DPP8: variants seen among roughly 807,000 people sequenced by gnomAD.
DPP8 encodes dipeptidyl peptidase 8.
In DPP8, 31 loss-of-function variants were observed where a neutral mutation model predicts 107.5. The observed-to-expected ratio is 0.29, with a 90% CI of 0.22 to 0.39. DPP8 has a LOEUF of 0.39. Ranked by LOEUF, DPP8 falls within the 10% of genes least tolerant of loss-of-function variation. The probability of loss-of-function intolerance (pLI) is 1.00; values close to 1 mark genes in which losing one functional copy is unlikely to be tolerated. For synonymous variants in DPP8, 381 were observed against 356.6 expected (o/e 1.07, Z -0.77); for missense variants, 842 against 1,076.1 (o/e 0.78, Z 3.04).
chr15:65,511,893 C>A, intron 2 of DPP8: 2 of 275,960 alleles, frequency 7.2e-6, no homozygotes, highest in Non-Finnish European at 1.5e-5. Context: ...GACATTAAAT[C>A]TGGAGTGAAT....
intron 5 of DPP8, among the ~76,000 whole-genome samples, chr15:65,493,012 A>G (rs578129040): frequency 6.8e-4 from 103 of 152,320 alleles, no homozygotes; most frequent in African/African-American, 2.4e-3. Context: ...GTTTGAATCC[A>G]AAAAGAAATA....
At chr15:65,454,530 T>C in intron 16 of DPP8, 115 bp from the exon 17 acceptor site, 1 of 938,904 alleles carries the variant, frequency 1.1e-6, no homozygotes, top group South Asian at 1.8e-5. Flanking sequence ...TTAATTTTTA[T>C]TTTATTTATT....
rs199550589 is a variant in DPP8, at chr15:65,487,685, A to G, written c.955+5T>C. The G allele has an allele frequency of 1.4e-3, 2,300 of 1,605,740 alleles. No individual in the cohort carries two copies. Among genetic ancestry groups the G allele is most frequent in the Non-Finnish European group, 1.7e-3 (2,030 of 1,177,040 alleles). ...GTGAATATAAATGCCAATGGAGTACAGTACCTGTTTTAGGATAACGGAATG... is the reference window on the plus strand; with the variant it reads ...GTGAATATAAATGCCAATGGAGTACGGTACCTGTTTTAGGATAACGGAATG... On this transcript the variant is annotated splice_donor_5th_base_variant and intron_variant, in intron 7 of 19. Transcript: ENST00000300141.
At chr15:65,499,385 C>T (rs1474708886) in intron 4 of DPP8, among the ~76,000 whole-genome samples, 1 of 151,688 alleles carries the variant, frequency 6.6e-6, no homozygotes, top group East Asian at 1.9e-4. Flanking sequence ...GGTGCGCCTG[C>T]CTAATTTTTG....
At chr15:65,510,670 C>T (rs776970905) in intron 2 of DPP8, among the ~76,000 whole-genome samples, 1 of 152,160 alleles carries the variant, frequency 6.6e-6, no homozygotes, top group African/African-American at 2.4e-5. Flanking sequence ...TCCCAAGTAG[C>T]TGGGATTACA....
intron 12 of DPP8, among the ~76,000 whole-genome samples, chr15:65,467,455 C>G (rs2065462985): frequency 6.6e-6 from 1 of 152,168 alleles, no homozygotes. Context: ...GATCATGGCT[C>G]ACTGCAGCTT....
At chr15:65,494,975 T>C (rs1186975703) in intron 5 of DPP8, among the ~76,000 whole-genome samples, 1 of 152,164 alleles carries the variant, frequency 6.6e-6, no homozygotes, top group African/African-American at 2.4e-5. Flanking sequence ...AATATGATTA[T>C]GATGATCACA....
intron 7 of DPP8, among the ~76,000 whole-genome samples, chr15:65,486,821 G>A (rs2067485919): frequency 6.6e-6 from 1 of 152,012 alleles, no homozygotes; most frequent in Admixed American, 6.6e-5. Context: ...TGGACTTTGG[G>A]GACTCCAGAG....
chr15:65,487,999 C>A (rs2067605270), intron 6 of DPP8, among the ~76,000 whole-genome samples, 181 bp from the exon 7 acceptor site: 2 of 152,078 alleles, frequency 1.3e-5, no homozygotes, highest in Admixed American at 1.3e-4. Flanking sequence ...TATTGTTAAG[C>A]CACTTCTTTT....
intron 6 of DPP8, among the ~76,000 whole-genome samples, chr15:65,489,727 A>G (rs1350635490): frequency 2.1e-5 from 3 of 145,706 alleles, no homozygotes; most frequent in African/African-American, 2.6e-5. Flanking sequence ...CATAATGTAC[A>G]TATTTTTGAG....
At chr15:65,458,086 A>G (rs2064589923) in intron 15 of DPP8, among the ~76,000 whole-genome samples, 1 of 152,230 alleles carries the variant, frequency 6.6e-6, no homozygotes, top group Non-Finnish European at 1.5e-5. Flanking sequence ...GATGGTCTCA[A>G]TTGCTTGATA....
intron 1 of DPP8, among the ~76,000 whole-genome samples, chr15:65,514,409 G>C (rs1010123489): frequency 2.0e-5 from 3 of 152,160 alleles, no homozygotes; most frequent in African/African-American, 7.2e-5. Flanking sequence ...GACTGTGGTG[G>C]TTATATACTA....
At chr15:65,505,828 T>C (rs961127473) in intron 3 of DPP8, among the ~76,000 whole-genome samples, 5 of 151,654 alleles carry the variant, frequency 3.3e-5, no homozygotes, top group Non-Finnish European at 7.4e-5. Flanking sequence ...TGTGCACCTG[T>C]AATCCCAGCT....
intron 1 of DPP8, chr15:65,515,534 A>G: frequency 1.3e-6 from 1 of 754,776 alleles, no homozygotes; most frequent in East Asian, 2.6e-5. Flanking sequence ...TTCTCAAAAT[A>G]GGTGACCTGA....
rs566111003 is a variant in DPP8 at position 65,448,161 on chromosome 15, G to A, written c.2527-1155C>T. ...GCTACTTGGGAGGCTGAGGTGGGAGGATTACTTGACCCCAGGAGTTTGAAA... is the reference window on the plus strand; with the variant it reads ...GCTACTTGGGAGGCTGAGGTGGGAGAATTACTTGACCCCAGGAGTTTGAAA... On this transcript the variant is annotated intron_variant, in intron 19 of 19. Coordinates refer to ENST00000300141, the MANE Select transcript of DPP8 (RefSeq NM_130434.5). Among the ~76,000 whole-genome samples, 4 of 151,978 alleles carry A rather than the reference G, an allele frequency of 2.6e-5. No homozygotes were observed. The East Asian group carries it at 7.8e-4, about 30-fold the overall frequency.
At position 65,507,354 on chromosome 15, in the gene DPP8, G is replaced by T; in HGVS notation, c.261C>A (p.Ala87=). ...TATTTTCTCTGTTCTCACCAGACAT[G>T]GCTATAGGAGAAAGCAATCATTTAT... is the stretch of plus-strand genomic sequence containing the variant. ...GPHSDRIYYL[A]MSGENRENTL... Residue 87 remains alanine, a splice_region_variant and synonymous_variant, in exon 3 of 20, where the codon GCC becomes GCA. Coordinates refer to ENST00000300141, the MANE Select transcript of DPP8 (RefSeq NM_130434.5). 1 of 1,551,456 alleles carries T rather than the reference G, an allele frequency of 6.4e-7. No individual in the cohort carries two copies. The highest frequency in any genetic ancestry group is 8.8e-7 in the Non-Finnish European group (1 of 1,133,346).
chr15:65,452,047 G>C lies in DPP8; in HGVS notation c.2327C>G (p.Thr776Arg). 1 of 1,612,596 alleles carries C rather than the reference G, an allele frequency of 6.2e-7. No individual in the cohort carries two copies. The highest frequency in any genetic ancestry group is 8.5e-7 in the Non-Finnish European group (1 of 1,179,452). Reference sequence around the variant, plus strand: ...GTCAGGGTGACCCATATAACGTTCCGTGTATCCTGTATCATAGAAGATCCA... The same window carrying C: ...GTCAGGGTGACCCATATAACGTTCCCTGTATCCTGTATCATAGAAGATCCA... ...TLWIFYDTGY[T>R]ERYMGHPDQN... Residue 776 changes from threonine (T) to arginine (R), a missense_variant, in exon 18 of 20, where the codon ACG (threonine) becomes AGG (arginine). By Grantham distance (71) the Thr-to-Arg change is moderately conservative. Transcript: ENST00000300141.
chr15:65,480,441 G>A, intron 9 of DPP8, 42 bp from the exon 10 acceptor site: 3 of 1,493,518 alleles, frequency 2.0e-6, no homozygotes, highest in Middle Eastern at 1.8e-4. Context: ...AATAAAGCAA[G>A]CTATCAGAAA....
chr15:65,498,179 C>A, intron 4 of DPP8, 147 bp from the exon 5 acceptor site: 2 of 522,556 alleles, frequency 3.8e-6, no homozygotes, highest in Non-Finnish European at 6.2e-6. Flanking sequence ...CCCAGCACTT[C>A]GGGAGGCCAA....
Sources: gnomAD v4.1 joint callset for allele counts (sites outside exome capture counted in the v4.1 genomes callset) on GRCh38, gnomAD v4.1.1 for gene constraint, MANE v1.5 for transcripts, NCBI Gene and HGNC (gene_info 2026-07-23, HGNC 2026-07-21) for gene names.